Variants in AGPAT5 observed in about 807,000 individuals in gnomAD.
The protein encoded by AGPAT5 is 1-acylglycerol-3-phosphate O-acyltransferase 5.
AGPAT5 carries 46 observed loss-of-function variants against 45.6 expected under a neutral mutation model. The observed-to-expected ratio is 1.01, with a 90% confidence interval of 0.80 to 1.29. The LOEUF (loss-of-function observed/expected upper bound fraction) is 1.29. Among genes scored for constraint, AGPAT5 ranks in the 50% most tolerant of loss-of-function variants. The pLI is 0.00. For synonymous variants in AGPAT5, 272 were observed against 167.0 expected (o/e 1.63, Z -4.85); for missense variants, 673 against 450.7 (o/e 1.49, Z -4.47).
chr8:6,752,997 C>T lies in AGPAT5; in HGVS notation c.746-2054C>T, dbSNP rs552865713. Among the ~76,000 whole-genome samples the T allele has an allele frequency of 2.0e-3, 304 of 152,228 alleles. 2 individuals are homozygous for T. Among genetic ancestry groups the T allele is most frequent in the African/African-American group, 7.1e-3 (293 of 41,542 alleles). ...CACCATGGCTACGCTGGGCCTTGGT[C>T]GTCTCTGAGACTTAGTTTCTTCATC... On this transcript the variant is annotated intron_variant, in intron 6 of 7. Transcript: ENST00000285518.
intron 4 of AGPAT5, among the ~76,000 whole-genome samples, chr8:6,734,288 C>T (rs1233502942): frequency 6.6e-6 from 1 of 151,120 alleles, no homozygotes; most frequent in Non-Finnish European, 1.5e-5. Flanking sequence ...TTTACGCCCC[C>T]TCCCTTTTTT....
At chr8:6,741,153 G>A (rs748508868) in intron 4 of AGPAT5, among the ~76,000 whole-genome samples, 2 of 152,122 alleles carry the variant, frequency 1.3e-5, no homozygotes, top group East Asian at 1.9e-4. Flanking sequence ...GGAGCTGTGT[G>A]AAATAGGAAT....
chr8:6,744,700 C>T (rs921157706), intron 5 of AGPAT5, among the ~76,000 whole-genome samples: 2 of 152,214 alleles, frequency 1.3e-5, no homozygotes, highest in African/African-American at 4.8e-5. Context: ...GGTTCTCCCT[C>T]CTCCTCACTC....
intron 5 of AGPAT5, among the ~76,000 whole-genome samples, chr8:6,742,916 C>T (rs1297850020): frequency 3.3e-5 from 5 of 152,192 alleles, no homozygotes; most frequent in African/African-American, 1.2e-4. Context: ...ACATGACGTT[C>T]TGTCATTTCA....
rs1241848773 is a variant in AGPAT5 at position 6,755,193 on chromosome 8, A to C, written c.869+19A>C. 1 of 1,589,386 alleles carries C rather than the reference A, an allele frequency of 6.3e-7. No homozygotes were observed. The highest frequency in any genetic ancestry group is 2.0e-5 in the Admixed American group (1 of 50,812). On this transcript the variant is annotated intron_variant, in intron 7 of 7. Transcript: ENST00000285518. ...AAGATAAGTGAGTAACAACAGTTCCAGCACTTCCGGAACTTCGGTTCAACT... is the reference window on the plus strand; with the variant it reads ...AAGATAAGTGAGTAACAACAGTTCCCGCACTTCCGGAACTTCGGTTCAACT...
chr8:6,734,466 A>G (rs985614740), intron 4 of AGPAT5, among the ~76,000 whole-genome samples: 2 of 151,614 alleles, frequency 1.3e-5, no homozygotes, highest in Non-Finnish European at 2.9e-5. Context: ...CATAGTTTCC[A>G]TCTCTGTGCT....
At chr8:6,732,827 C>T (rs544800403) in intron 4 of AGPAT5, among the ~76,000 whole-genome samples, 177 bp downstream of exon 4, 2 of 152,316 alleles carry the variant, frequency 1.3e-5, no homozygotes, top group South Asian at 4.1e-4. Flanking sequence ...TTTCAGCCAT[C>T]AGAAAGATTG....
intron 2 of AGPAT5, among the ~76,000 whole-genome samples, chr8:6,727,789 A>T (rs1407340803): frequency 4.6e-5 from 7 of 152,162 alleles, no homozygotes; most frequent in African/African-American, 1.7e-4. Context: ...AAAGGGATGG[A>T]CTTTGGAGTT....
At chr8:6,713,299 C>G (rs1340004199) in intron 1 of AGPAT5, among the ~76,000 whole-genome samples, 1 of 152,120 alleles carries the variant, frequency 6.6e-6, no homozygotes, top group Non-Finnish European at 1.5e-5. Context: ...ACCGATTTAT[C>G]TTGCTTAAAT....
intron 1 of AGPAT5, among the ~76,000 whole-genome samples, chr8:6,719,611 C>A (rs1397964798): frequency 6.6e-6 from 1 of 152,178 alleles, no homozygotes; most frequent in African/African-American, 2.4e-5. Flanking sequence ...AAGCTAATAG[C>A]ATCATTCGGG....
In AGPAT5 at chr8:6,732,590, C is replaced by G; in HGVS notation, c.435C>G (p.Ala145=). 1.9e-6 allele frequency: 3 copies of G among 1,610,938 alleles called. No individual in the cohort carries two copies. The highest frequency in any genetic ancestry group is 1.7e-6 in the Non-Finnish European group (2 of 1,179,214). Residue 145 remains alanine (A), a synonymous_variant, in exon 4 of 8, where the codon GCC becomes GCG. Transcript: ENST00000285518. The part of the protein sequence containing the change: ...QHGGIYVKRS[A]KFNEKEMRNK... Reference sequence around the variant, plus strand: ...GAGGAATCTATGTAAAGCGCAGTGCCAAATTTAACGAGAAAGAGATGCGAA... The same window carrying G: ...GAGGAATCTATGTAAAGCGCAGTGCGAAATTTAACGAGAAAGAGATGCGAA...
chr8:6,746,429 A>C (rs1801466700), intron 5 of AGPAT5, among the ~76,000 whole-genome samples: 1 of 152,188 alleles, frequency 6.6e-6, no homozygotes, highest in Non-Finnish European at 1.5e-5. Context: ...TTCCTTACTA[A>C]CTTACTTGGA....
At chr8:6,735,228 C>G (rs1001303209) in intron 4 of AGPAT5, among the ~76,000 whole-genome samples, 2 of 152,108 alleles carry the variant, frequency 1.3e-5, no homozygotes, top group Non-Finnish European at 2.9e-5. Context: ...TTTTGTTGCC[C>G]CTGTTCATCA....
intron 4 of AGPAT5, 72 bp downstream of exon 4, chr8:6,732,722 A>G: frequency 7.8e-7 from 1 of 1,286,182 alleles, no homozygotes; most frequent in Non-Finnish European, 1.1e-6. Context: ...ATTAAAATCT[A>G]AGAATTGTTT....
chr8:6,753,884 A>C (rs749760636), intron 6 of AGPAT5, among the ~76,000 whole-genome samples: 1 of 152,228 alleles, frequency 6.6e-6, no homozygotes, highest in Non-Finnish European at 1.5e-5. Context: ...CATGTTACTA[A>C]GAGCTCGACA....
intron 1 of AGPAT5, chr8:6,709,308 C>A (rs1009387765): frequency 3.4e-5 from 7 of 205,968 alleles, no homozygotes; most frequent in Non-Finnish European, 4.0e-5. Flanking sequence ...AACAGAAGTA[C>A]AATTCGGTCT....
At chr8:6,750,661 A>C (rs1801628094) in intron 6 of AGPAT5, among the ~76,000 whole-genome samples, 1 of 152,198 alleles carries the variant, frequency 6.6e-6, no homozygotes, top group African/African-American at 2.4e-5. Context: ...GAACAACAAT[A>C]GACATTTCAC....
intron 6 of AGPAT5, among the ~76,000 whole-genome samples, chr8:6,751,043 T>C (rs1486297137): frequency 6.6e-6 from 1 of 152,250 alleles, no homozygotes; most frequent in African/African-American, 2.4e-5. Flanking sequence ...CATTGTTTTT[T>C]TTTGTTTTCT....
chr8:6,726,726 T>C (rs1001763407), intron 2 of AGPAT5, among the ~76,000 whole-genome samples: 1 of 152,166 alleles, frequency 6.6e-6, no homozygotes, highest in Non-Finnish European at 1.5e-5. Flanking sequence ...TGACCTGAAT[T>C]TCATTTATCA....
Sources: allele counts gnomAD v4.1 joint callset (sites outside exome capture counted in the v4.1 genomes callset), GRCh38; gene constraint gnomAD v4.1.1; transcripts MANE v1.5; gene names NCBI Gene and HGNC (gene_info 2026-07-23, HGNC 2026-07-21).